Variants in INPP4B observed in about 807,000 individuals in gnomAD.
INPP4B encodes the protein inositol polyphosphate 4-phosphatase type II.
In INPP4B, 55 loss-of-function variants were observed where a neutral mutation model predicts 122.5. The observed-to-expected ratio is 0.45, with a 90% CI of 0.36 to 0.56. INPP4B has a LOEUF of 0.56. INPP4B is among the 20% of genes least tolerant of loss of function. The pLI is 0.00. For missense variants in INPP4B, 1,000 were observed against 1,097.7 expected (o/e 0.91, Z 1.26); for synonymous variants, 403 against 388.7 (o/e 1.04, Z -0.43).
At chr4:142,815,652 T>C (rs1780031577) in intron 1 of INPP4B, among the ~76,000 whole-genome samples, 1 of 152,170 alleles carries the variant, frequency 6.6e-6, no homozygotes, top group African/African-American at 2.4e-5. Context: ...AGATTTTTAC[T>C]CTTATGAAGA....
At chr4:142,188,412 G>A (rs1048318279) in intron 15 of INPP4B, among the ~76,000 whole-genome samples, 1 of 140,312 alleles carries the variant, frequency 7.1e-6, no homozygotes, top group African/African-American at 2.5e-5. Flanking sequence ...GTGTGGACCT[G>A]GAAGGCAGAG....
chr4:142,666,402 A>G (rs984371539), intron 2 of INPP4B, among the ~76,000 whole-genome samples: 1 of 152,174 alleles, frequency 6.6e-6, no homozygotes, highest in Non-Finnish European at 1.5e-5. Context: ...GTAAATAAAA[A>G]CAAAAAGTAA....
At chr4:142,374,192 A>G (rs1561957595) in intron 7 of INPP4B, among the ~76,000 whole-genome samples, 1 of 151,948 alleles carries the variant, frequency 6.6e-6, no homozygotes, top group African/African-American at 2.4e-5. Context: ...TGATAAGTAA[A>G]GTAAGGCTCT....
intron 1 of INPP4B, among the ~76,000 whole-genome samples, chr4:142,831,355 G>A (rs1782114850): frequency 6.6e-6 from 1 of 152,208 alleles, no homozygotes; most frequent in South Asian, 2.1e-4. Context: ...CTATTTGACT[G>A]TACAGAAGTC....
chr4:142,618,044 G>A (rs1744083487), intron 2 of INPP4B, among the ~76,000 whole-genome samples: 1 of 151,934 alleles, frequency 6.6e-6, no homozygotes, highest in Non-Finnish European at 1.5e-5. Flanking sequence ...TTTTTAAAGG[G>A]AATTAAAGAA....
chr4:142,773,703 G>A lies in INPP4B; in HGVS notation c.-253-47802C>T, dbSNP rs530168737. On this transcript the variant is annotated intron_variant, in intron 1 of 25. Transcript: ENST00000262992. ...GGTTCTGTAATTTTTTAAAGCATGA[G>A]TCACAAAGTAGAGATGTGTGAAGAA... is the stretch of plus-strand genomic sequence containing the variant. Among the ~76,000 whole-genome samples, 19 of 152,294 alleles carry A rather than the reference G, an allele frequency of 1.2e-4. No individual in the cohort carries two copies. The South Asian group carries it at 3.9e-3, about 32-fold the overall frequency.
chr4:142,212,165 T>C (rs1330647479), intron 12 of INPP4B, among the ~76,000 whole-genome samples: 1 of 152,026 alleles, frequency 6.6e-6, no homozygotes, highest in African/African-American at 2.4e-5. Flanking sequence ...CCCGATAGCA[T>C]ACAAAACAAG....
intron 11 of INPP4B, among the ~76,000 whole-genome samples, chr4:142,248,171 A>G (rs940381456): frequency 2.6e-5 from 4 of 151,938 alleles, no homozygotes; most frequent in Admixed American, 6.6e-5. Flanking sequence ...AGCTCTGTGC[A>G]TTTTTCCCTT....
At chr4:142,808,570 A>G (rs545805012) in intron 1 of INPP4B, among the ~76,000 whole-genome samples, 3 of 152,316 alleles carry the variant, frequency 2.0e-5, no homozygotes, top group African/African-American at 7.2e-5. Context: ...TAATAAGAAT[A>G]TAACTGAGTA....
chr4:142,662,546 G>A lies in INPP4B; in HGVS notation c.-191+63293C>T, dbSNP rs141902716. 5.8e-4 allele frequency among the ~76,000 whole-genome samples: 89 copies of A among 152,260 alleles called. 1 individual carries two copies. Among genetic ancestry groups the A allele is most frequent in the African/African-American group, 2.1e-3 (87 of 41,548 alleles). On this transcript the variant is annotated intron_variant, in intron 2 of 25. Coordinates refer to ENST00000262992, the MANE Select transcript of INPP4B (RefSeq NM_001101669.3). ...CTACCCTGGATTCAGGTTTGTCCATGTGCTAGCCCCCACCAAAGGAACTTG... is the reference window on the plus strand; with the variant it reads ...CTACCCTGGATTCAGGTTTGTCCATATGCTAGCCCCCACCAAAGGAACTTG...
chr4:142,631,477 C>G (rs1747938004), intron 2 of INPP4B, among the ~76,000 whole-genome samples: 2 of 151,876 alleles, frequency 1.3e-5, no homozygotes, highest in African/African-American at 4.8e-5. Flanking sequence ...TTTTGGGTAA[C>G]TGGAACAAAA....
intron 2 of INPP4B, among the ~76,000 whole-genome samples, chr4:142,558,161 C>T (rs1196078488): frequency 1.3e-5 from 2 of 152,154 alleles, no homozygotes; most frequent in Admixed American, 1.3e-4. Context: ...CCCACAAGTT[C>T]TCATCATGGT....
At chr4:142,398,121 A>G (rs1220108381) in intron 7 of INPP4B, among the ~76,000 whole-genome samples, 1 of 151,448 alleles carries the variant, frequency 6.6e-6, no homozygotes, top group East Asian at 2.0e-4. Flanking sequence ...CACGCCTGTA[A>G]TCCCAGCACT....
At chr4:142,061,377 C>G (rs1004139765) in intron 25 of INPP4B, among the ~76,000 whole-genome samples, 2 of 151,716 alleles carry the variant, frequency 1.3e-5, no homozygotes, top group African/African-American at 4.8e-5. Context: ...ATACCATTAG[C>G]AAAAAAAGTT....
rs139952283 is a variant in INPP4B at position 142,589,663 on chromosome 4, A to G, written c.-190-126937T>C. Among the ~76,000 whole-genome samples, 568 of 152,246 alleles carry G rather than the reference A, an allele frequency of 3.7e-3. 4 individuals carry two copies. The highest frequency in any genetic ancestry group is 0.013 in the African/African-American group (547 of 41,560). ...AGGATGCAGATCAACAGTAGTTTAC[A>G]CTCACTGTTGGTGAGAATACAAAAT... On this transcript the variant is annotated intron_variant, in intron 2 of 25. Transcript: ENST00000262992.
At chr4:142,715,001 A>G (rs2150811810) in intron 2 of INPP4B, among the ~76,000 whole-genome samples, 1 of 152,334 alleles carries the variant, frequency 6.6e-6, no homozygotes, top group Admixed American at 6.5e-5. Context: ...ATAAATTAGG[A>G]AAGTCTACCA....
At chr4:142,054,104 A>G (rs1018731568) in intron 25 of INPP4B, among the ~76,000 whole-genome samples, 1 of 152,038 alleles carries the variant, frequency 6.6e-6, no homozygotes, top group African/African-American at 2.4e-5. Context: ...GAAACTTCTG[A>G]AGGAAATATT....
chr4:142,735,962 CACACAT>C (rs1766812918), intron 1 of INPP4B, among the ~76,000 whole-genome samples: 1 of 150,696 alleles, frequency 6.6e-6, no homozygotes, highest in Admixed American at 6.6e-5. Context: ...CACACACACA[CACACAT>C]CCACCACTAT....
chr4:142,202,689 T>C (rs76256635), intron 14 of INPP4B: 2 of 958,906 alleles, frequency 2.1e-6, no homozygotes, highest in African/African-American at 1.8e-5. Flanking sequence ...TACAGCTTTA[T>C]GATATAAACT....
Sources: gnomAD v4.1 joint callset for allele counts (sites outside exome capture counted in the v4.1 genomes callset) on GRCh38, gnomAD v4.1.1 for gene constraint, MANE v1.5 for transcripts, NCBI Gene and HGNC (gene_info 2026-07-23, HGNC 2026-07-21) for gene names.